The following FBN1 variants were observed in gnomAD, a reference collection of about 807,000 sequenced individuals.
FBN1 encodes the protein fibrillin-1.
In FBN1, 29 loss-of-function variants were observed where a neutral mutation model predicts 365.1. The ratio of observed to expected loss-of-function variants is 0.08; its 90% CI spans 0.06 to 0.11. The LOEUF (loss-of-function observed/expected upper bound fraction) is 0.11. Ranked by LOEUF, FBN1 falls within the 10% of genes least tolerant of loss-of-function variation. The pLI, the probability that FBN1 is intolerant of heterozygous loss-of-function variation, is 1.00. For synonymous variants in FBN1, 1,210 were observed against 1,270.5 expected, an observed-to-expected ratio of 0.95 and a Z score of 1.01; for missense variants, 2,476 against 3,703.2, an observed-to-expected ratio of 0.67 and a Z score of 8.60.
chr15:48,516,419 G>A, intron 10 of FBN1, 57 bp from the exon 11 acceptor site: 1 of 1,511,448 alleles, frequency 6.6e-7, no homozygotes, highest in East Asian at 2.3e-5. Flanking sequence ...ATGATCATAG[G>A]CCCACAGAAG....
At chr15:48,605,557 TAAC>T (rs2044600753) in intron 4 of FBN1, among the ~76,000 whole-genome samples, 1 of 152,016 alleles carries the variant, frequency 6.6e-6, no homozygotes, top group Non-Finnish European at 1.5e-5. Context: ...AACAATGAAA[TAAC>T]AAACAATTCA....
chr15:48,497,762 T>C (rs1307108516), intron 18 of FBN1, among the ~76,000 whole-genome samples: 1 of 152,174 alleles, frequency 6.6e-6, no homozygotes, highest in Non-Finnish European at 1.5e-5. Context: ...CTTTCTTCCA[T>C]CTACCCTGCA....
chr15:48,572,795 T>C (rs1336157800), intron 6 of FBN1, among the ~76,000 whole-genome samples: 2 of 152,214 alleles, frequency 1.3e-5, no homozygotes, highest in East Asian at 3.8e-4. Context: ...TTATCTGAGA[T>C]GCTCTGGTTC....
intron 8 of FBN1, among the ~76,000 whole-genome samples, chr15:48,526,460 T>C (rs1461586792): frequency 6.6e-6 from 1 of 152,174 alleles, no homozygotes; most frequent in Non-Finnish European, 1.5e-5. Flanking sequence ...TTTACCAAAT[T>C]CAACAGATTA....
Position 48,551,210 on chromosome 15 carries a change from G to C in FBN1, c.539-13402C>G, listed in dbSNP as rs541062226. On this transcript the variant is annotated intron_variant, in intron 6 of 65. Coordinates refer to ENST00000316623, the MANE Select transcript of FBN1 (RefSeq NM_000138.5). Reference sequence around the variant, plus strand: ...CTGGGGTTGTATGAGTAGTAAATAAGTATACAAAATACCTACCATAGTCCC... The same window carrying C: ...CTGGGGTTGTATGAGTAGTAAATAACTATACAAAATACCTACCATAGTCCC... Among the ~76,000 whole-genome samples, 6 of 152,210 alleles carry C rather than the reference G, an allele frequency of 3.9e-5. No individual in the cohort carries two copies. The South Asian group carries it at 1.2e-3, about 32-fold the overall frequency.
intron 2 of FBN1, among the ~76,000 whole-genome samples, chr15:48,636,102 A>T (rs908888673): frequency 2.6e-5 from 4 of 152,212 alleles, no homozygotes; most frequent in Admixed American, 6.5e-5. Context: ...ATCCAAAGGT[A>T]GGTCTTAATA....
intron 43 of FBN1, 142 bp from the exon 44 acceptor site, chr15:48,456,904 T>A: frequency 1.3e-6 from 1 of 774,900 alleles, no homozygotes; most frequent in Non-Finnish European, 2.2e-6. Context: ...GTGATGGCAA[T>A]AGGGACATCA....
chr15:48,598,515 A>G (rs189956150), intron 5 of FBN1, among the ~76,000 whole-genome samples: 1 of 152,190 alleles, frequency 6.6e-6, no homozygotes, highest in East Asian at 1.9e-4. Context: ...ATGACATCCT[A>G]TCTGACCTTA....
At position 48,510,024 on chromosome 15, in the gene FBN1, C is replaced by T. The variant is rs969829471; in HGVS notation, c.1714+20G>A. The T allele has an allele frequency of 1.2e-6, 2 of 1,612,016 alleles. No homozygotes were observed. Among genetic ancestry groups the T allele is most frequent in the African/African-American group, 2.7e-5 (2 of 74,808 alleles). Reference sequence around the variant, plus strand: ...AACTGCAATGGAAGGAGAGGACTAACATTAGTATACTATTATTACCTTCAC... The same window carrying T: ...AACTGCAATGGAAGGAGAGGACTAATATTAGTATACTATTATTACCTTCAC... On this transcript the variant is annotated intron_variant, in intron 14 of 65. Coordinates refer to ENST00000316623, the MANE Select transcript of FBN1 (RefSeq NM_000138.5).
At chr15:48,487,821 A>G (rs1443155382) in intron 27 of FBN1, among the ~76,000 whole-genome samples, 3 of 152,188 alleles carry the variant, frequency 2.0e-5, no homozygotes, top group Non-Finnish European at 4.4e-5. Flanking sequence ...ACATCTTGTA[A>G]AGGGACCTCT....
chr15:48,436,055 T>C (rs911401419), intron 53 of FBN1, among the ~76,000 whole-genome samples: 9 of 152,210 alleles, frequency 5.9e-5, no homozygotes, highest in African/African-American at 2.2e-4. Flanking sequence ...GCTCATTTCA[T>C]ATGCACATAT....
At position 48,469,076 on chromosome 15, in the gene FBN1, A is replaced by AATATATATATATATATAT. The variant is rs1566904873; in HGVS notation, c.4460-543_4460-542insATATATATATATATATAT. Among the ~76,000 whole-genome samples, 11 of 109,748 alleles carry AATATATATATATATATAT rather than the reference A, an allele frequency of 1.0e-4. No individual in the cohort carries two copies. The East Asian group carries it at 6.7e-3, about 66-fold the overall frequency. 72.0% of individuals were successfully genotyped at this position (109,748 alleles called of 152,430 possible). The stretch of plus-strand genomic sequence containing the variant: ...GAGCGAGACTCCGTCTCAAAAAAAA[A>AATATATATATATATATAT]AAAATATATATATATATAAAATATA... On this transcript the variant is annotated intron_variant, in intron 36 of 65. Transcript: ENST00000316623.
At chr15:48,568,049 G>GAAGAAAGAAAGAAAGAAAGAAAGAAAGA (rs1555403283) in intron 6 of FBN1, among the ~76,000 whole-genome samples, 3 of 40,130 alleles carry the variant, frequency 7.5e-5, no homozygotes, top group African/African-American at 4.1e-4. Context: ...AAGAAAGAAA[G>GAAGAAAGAAAGAAAGAAAGAAAGAAAGA]AAGAAAGAAA....
At chr15:48,458,375 GA>G (rs1282493585) in intron 43 of FBN1, among the ~76,000 whole-genome samples, 3 of 152,164 alleles carry the variant, frequency 2.0e-5, no homozygotes, top group Non-Finnish European at 4.4e-5. Context: ...CCTATTTAAT[GA>G]AAAGAAACAG....
At chr15:48,618,442 C>T (rs1889701161) in intron 2 of FBN1, among the ~76,000 whole-genome samples, 1 of 152,150 alleles carries the variant, frequency 6.6e-6, no homozygotes, top group African/African-American at 2.4e-5. Context: ...TATTTTAGTG[C>T]CTTTATTCTG....
chr15:48,628,178 G>A (rs1889921494), intron 2 of FBN1, among the ~76,000 whole-genome samples: 1 of 152,190 alleles, frequency 6.6e-6, no homozygotes, highest in African/African-American at 2.4e-5. Context: ...AACAGTCGGG[G>A]AGGTGCTCCT....
chr15:48,503,684 C>T, intron 17 of FBN1, 103 bp downstream of exon 17: 4 of 1,517,926 alleles, frequency 2.6e-6, no homozygotes, highest in East Asian at 2.3e-5. Flanking sequence ...CATGGCGTAC[C>T]TGGAGAGCAA....
intron 48 of FBN1, among the ~76,000 whole-genome samples, 190 bp downstream of exon 48, chr15:48,445,186 A>G (rs948941091): frequency 4.3e-5 from 6 of 139,984 alleles, no homozygotes; most frequent in South Asian, 2.3e-4. Flanking sequence ...ATATATATGT[A>G]TATATATATA....
chr15:48,507,040 T>C (rs1451915064), intron 15 of FBN1, among the ~76,000 whole-genome samples: 1 of 152,172 alleles, frequency 6.6e-6, no homozygotes, highest in East Asian at 1.9e-4. Flanking sequence ...ACTATTTCAC[T>C]GGTTGCCAAT....
Sources: allele counts gnomAD v4.1 joint callset (sites outside exome capture counted in the v4.1 genomes callset), GRCh38; gene constraint gnomAD v4.1.1; transcripts MANE v1.5; gene names NCBI Gene and HGNC (gene_info 2026-07-23, HGNC 2026-07-21).